The following TTC28 variants were observed in gnomAD, a reference collection of about 807,000 sequenced individuals.
TTC28 encodes the protein tetratricopeptide repeat protein 28.
TTC28 carries 61 observed loss-of-function variants against 198.0 expected under a neutral mutation model. That is an observed-to-expected ratio of 0.31 (90% CI 0.25 to 0.38). The LOEUF (loss-of-function observed/expected upper bound fraction) is 0.38. Among genes scored for constraint, TTC28 ranks in the 10% least tolerant of loss-of-function variants. The pLI, the probability that TTC28 is intolerant of heterozygous loss-of-function variation, is 1.00. For synonymous variants in TTC28, 1,171 were observed against 1,297.8 expected (o/e 0.90, Z 2.10); for missense variants, 2,678 against 3,164.0 (o/e 0.85, Z 3.69).
intron 2 of TTC28, among the ~76,000 whole-genome samples, chr22:28,577,202 A>G (rs570514767): frequency 6.6e-6 from 1 of 151,984 alleles, no homozygotes; most frequent in African/African-American, 2.4e-5. Flanking sequence ...GAAATTTTTT[A>G]ATTTCTTTCT....
rs1207075924 is a variant in TTC28, at chr22:27,981,229, AATTTTTTTTTT to A, written c.*981_*991del. On this transcript the variant is annotated 3_prime_UTR_variant, in exon 23 of 23. Coordinates refer to ENST00000397906, the MANE Select transcript of TTC28 (RefSeq NM_001145418.2). ...CTGGTTAAATCTAGTTAGCCATGGA[AATTTTTTTTTT>A]TTTTTTTTTTTTTTTTTTTTTTTTT... is the stretch of plus-strand genomic sequence containing the variant. 5.5e-5 allele frequency: 4 copies of A among 72,734 alleles called. No individual in the cohort carries two copies. Among genetic ancestry groups the A allele is most frequent in the African/African-American group, 2.0e-4 (4 of 20,466 alleles). 4.5% of individuals were successfully genotyped at this position (72,734 alleles called of 1,614,324 possible).
At position 28,594,101 on chromosome 22, in the gene TTC28, G is replaced by T. The variant is rs182213801; in HGVS notation, c.381+35451C>A. On this transcript the variant is annotated intron_variant, in intron 2 of 22. Transcript: ENST00000397906. ...GCACAGATAAAGTACTAGAAGCTGT[G>T]ATGAGAGACACTGATGTTGAACTTA... 3.9e-3 allele frequency among the ~76,000 whole-genome samples: 596 copies of T among 152,202 alleles called. 6 individuals carry two copies. The highest frequency in any genetic ancestry group is 0.013 in the African/African-American group (519 of 41,518).
intron 5 of TTC28, among the ~76,000 whole-genome samples, chr22:28,201,382 T>C (rs997095325): frequency 4.0e-5 from 6 of 151,864 alleles, no homozygotes; most frequent in African/African-American, 1.2e-4. Flanking sequence ...GCAGCTGAGG[T>C]CAAAACACAG....
intron 2 of TTC28, among the ~76,000 whole-genome samples, chr22:28,590,230 C>G (rs908215765): frequency 4.0e-5 from 6 of 150,928 alleles, no homozygotes; most frequent in Non-Finnish European, 5.9e-5. Context: ...CAGGTTCATG[C>G]CATTCTCCTG....
chr22:28,608,624 A>G (rs747377665), intron 2 of TTC28, among the ~76,000 whole-genome samples: 14 of 152,004 alleles, frequency 9.2e-5, no homozygotes, highest in Non-Finnish European at 1.2e-4. Flanking sequence ...CCCAAGAAGG[A>G]CCTAAGAAGC....
At chr22:28,355,749 T>C (rs779088253) in intron 2 of TTC28, among the ~76,000 whole-genome samples, 7 of 152,206 alleles carry the variant, frequency 4.6e-5, no homozygotes, top group Non-Finnish European at 7.3e-5. Context: ...GCCCCCAGCA[T>C]GTTGCATGGC....
At chr22:28,570,112 AATT>A (rs1479990552) in intron 2 of TTC28, among the ~76,000 whole-genome samples, 1 of 152,208 alleles carries the variant, frequency 6.6e-6, no homozygotes, top group Non-Finnish European at 1.5e-5. Flanking sequence ...TGGGTATGTA[AATT>A]ATTAATAGTT....
At chr22:28,385,931 GC>G (rs2046575636) in intron 2 of TTC28, among the ~76,000 whole-genome samples, 1 of 152,044 alleles carries the variant, frequency 6.6e-6, no homozygotes, top group Middle Eastern at 3.2e-3. Flanking sequence ...CAGTAAGTCT[GC>G]CAAAATCTTC....
intron 5 of TTC28, among the ~76,000 whole-genome samples, chr22:28,203,470 C>T (rs1181588169): frequency 6.6e-6 from 1 of 152,092 alleles, no homozygotes; most frequent in East Asian, 1.9e-4. Context: ...GCCCTAAGGT[C>T]CCCAGTGCCT....
chr22:28,398,244 G>A (rs1053575426), intron 2 of TTC28, among the ~76,000 whole-genome samples: 1 of 152,174 alleles, frequency 6.6e-6, no homozygotes, highest in Non-Finnish European at 1.5e-5. Context: ...CAGGAGAGAT[G>A]GAGAGGGGGC....
chr22:28,300,497 A>G (rs545262403), intron 3 of TTC28, among the ~76,000 whole-genome samples: 1 of 152,352 alleles, frequency 6.6e-6, no homozygotes, highest in African/African-American at 2.4e-5. Flanking sequence ...TCACTAGATG[A>G]AAATGAAACT....
intron 6 of TTC28, among the ~76,000 whole-genome samples, chr22:28,117,189 C>T (rs1230686607): frequency 6.6e-6 from 1 of 152,188 alleles, no homozygotes; most frequent in Non-Finnish European, 1.5e-5. Context: ...CTTGCAGAAG[C>T]TATGTATTGT....
At chr22:28,207,720 G>A (rs145954057) in intron 5 of TTC28, among the ~76,000 whole-genome samples, 2 of 152,266 alleles carry the variant, frequency 1.3e-5, no homozygotes, top group East Asian at 3.9e-4. Context: ...GGGACACGTG[G>A]GAATGGTCTC....
At chr22:28,332,417 A>AG (rs1344688723) in intron 2 of TTC28, among the ~76,000 whole-genome samples, 4 of 152,088 alleles carry the variant, frequency 2.6e-5, no homozygotes, top group Admixed American at 6.6e-5. Flanking sequence ...CCCTTGAAAA[A>AG]AAAGTCAAAT....
chr22:28,083,820 G>A (rs1234018178), intron 12 of TTC28, among the ~76,000 whole-genome samples: 1 of 152,214 alleles, frequency 6.6e-6, no homozygotes, highest in Non-Finnish European at 1.5e-5. Flanking sequence ...CCCTCATACT[G>A]CGCTCTTCCA....
intron 2 of TTC28, among the ~76,000 whole-genome samples, chr22:28,471,806 A>G (rs139149099): frequency 9.2e-5 from 14 of 152,318 alleles, no homozygotes; most frequent in Non-Finnish European, 1.8e-4. Flanking sequence ...TTAACATAAT[A>G]TTCCAATCTT....
In TTC28 at chr22:28,096,572, A is replaced by C. The variant is rs375850729; in HGVS notation, c.3548-164T>G. 1.6e-4 allele frequency among the ~76,000 whole-genome samples: 25 copies of C among 152,318 alleles called. No homozygotes were observed. The East Asian group carries it at 1.7e-3, about 11-fold the overall frequency. Reference sequence around the variant, plus strand: ...TGCTTCAGATTCAATTCCCTGCCTCAGATGGTGGGTGCAGTGTCCTGCATG... The same window carrying C: ...TGCTTCAGATTCAATTCCCTGCCTCCGATGGTGGGTGCAGTGTCCTGCATG... On this transcript the variant is annotated intron_variant, in intron 10 of 22. Transcript: ENST00000397906.
At chr22:28,215,966 A>T (rs1927365132) in intron 5 of TTC28, among the ~76,000 whole-genome samples, 1 of 152,200 alleles carries the variant, frequency 6.6e-6, no homozygotes, top group South Asian at 2.1e-4. Flanking sequence ...TAAATACCAA[A>T]AAGTACTGTG....
At chr22:28,070,004 T>C (rs1019068900) in intron 12 of TTC28, among the ~76,000 whole-genome samples, 1 of 151,518 alleles carries the variant, frequency 6.6e-6, no homozygotes, top group African/African-American at 2.4e-5. Flanking sequence ...ACTCTGGTAT[T>C]AACCCAGGTT....
Sources: allele counts gnomAD v4.1 joint callset (sites outside exome capture counted in the v4.1 genomes callset), GRCh38; gene constraint gnomAD v4.1.1; transcripts MANE v1.5; gene names NCBI Gene and HGNC (gene_info 2026-07-23, HGNC 2026-07-21).